Variants in NRG3 observed in about 807,000 individuals in gnomAD.
The protein encoded by NRG3 is neuregulin 3.
Under a neutral mutation model 66.9 loss-of-function variants are expected in NRG3, and 31 were observed. The observed-to-expected ratio is 0.46, with a 90% CI of 0.35 to 0.63. The LOEUF (loss-of-function observed/expected upper bound fraction) is 0.63, where lower values mean the gene tolerates loss of function less well. Among genes scored for constraint, NRG3 ranks in the 20% least tolerant of loss-of-function variants. NRG3 has a pLI of 0.00. For synonymous variants in NRG3, 393 were observed against 359.4 expected (o/e 1.09, Z -1.06); for missense variants, 910 against 878.9 (o/e 1.04, Z -0.45).
At chr10:82,018,551 T>G (rs988702190) in intron 1 of NRG3, among the ~76,000 whole-genome samples, 4 of 152,222 alleles carry the variant, frequency 2.6e-5, no homozygotes, top group Non-Finnish European at 5.9e-5. Context: ...ATGATATTGA[T>G]TCTTCCTATC....
intron 1 of NRG3, among the ~76,000 whole-genome samples, chr10:81,954,492 A>G (rs1849642333): frequency 6.6e-6 from 1 of 152,184 alleles, no homozygotes; most frequent in African/African-American, 2.4e-5. Flanking sequence ...CTCTATCAGA[A>G]CAAAGAAGAA....
At chr10:82,286,438 T>A (rs1254268852) in intron 1 of NRG3, among the ~76,000 whole-genome samples, 1 of 152,208 alleles carries the variant, frequency 6.6e-6, no homozygotes, top group African/African-American at 2.4e-5. Flanking sequence ...TATCATTGAA[T>A]GCAAAGGGCA....
At chr10:82,789,039 G>T (rs1476878207) in intron 3 of NRG3, among the ~76,000 whole-genome samples, 1 of 151,946 alleles carries the variant, frequency 6.6e-6, no homozygotes, top group Non-Finnish European at 1.5e-5. Flanking sequence ...TACTCAAAAG[G>T]AATAGAGTGC....
chr10:82,584,121 C>G (rs934502913), intron 2 of NRG3, among the ~76,000 whole-genome samples: 1 of 152,134 alleles, frequency 6.6e-6, no homozygotes, highest in Non-Finnish European at 1.5e-5. Context: ...GTGTCTTGCT[C>G]TGTTGCCCAG....
rs150347811 is a variant in NRG3, at chr10:82,975,337, A to G, written c.1412+1422A>G. On this transcript the variant is annotated intron_variant, in intron 7 of 8. Transcript: ENST00000372141. The stretch of plus-strand genomic sequence containing the variant: ...ATCATTCTAGTATTATATGAACTGT[A>G]TTCTGTCATAAATGTTTTAAAATTG... 1.8e-3 allele frequency among the ~76,000 whole-genome samples: 277 copies of G among 152,324 alleles called. 2 individuals carry two copies. Among genetic ancestry groups the G allele is most frequent in the Middle Eastern group, 0.017 (5 of 294 alleles).
intron 2 of NRG3, among the ~76,000 whole-genome samples, chr10:82,442,927 G>A (rs1015346568): frequency 6.7e-6 from 1 of 150,244 alleles, no homozygotes; most frequent in Admixed American, 6.7e-5. Context: ...ACGTGAAGTT[G>A]ATATAATTGG....
chr10:82,962,118 AC>A (rs1258372682), intron 6 of NRG3, among the ~76,000 whole-genome samples: 1 of 152,210 alleles, frequency 6.6e-6, no homozygotes, highest in Non-Finnish European at 1.5e-5. Flanking sequence ...TACTCTGGAA[AC>A]ACTTGACTCC....
intron 2 of NRG3, among the ~76,000 whole-genome samples, chr10:82,623,788 A>G (rs1198369904): frequency 1.3e-5 from 2 of 152,206 alleles, no homozygotes; most frequent in Non-Finnish European, 2.9e-5. Flanking sequence ...TATCTTTGAC[A>G]TGGGCAAAAA....
intron 3 of NRG3, among the ~76,000 whole-genome samples, chr10:82,830,520 G>C (rs946844162): frequency 6.6e-6 from 1 of 152,100 alleles, no homozygotes; most frequent in Non-Finnish European, 1.5e-5. Context: ...AAAATTCTGA[G>C]TTAAAACCTA....
At chr10:82,152,924 T>C (rs2070885248) in intron 1 of NRG3, among the ~76,000 whole-genome samples, 1 of 151,804 alleles carries the variant, frequency 6.6e-6, no homozygotes, top group African/African-American at 2.4e-5. Flanking sequence ...TTTTATTACT[T>C]AATTAACAAA....
At chr10:82,690,666 A>G (rs2054856851) in intron 2 of NRG3, among the ~76,000 whole-genome samples, 2 of 152,178 alleles carry the variant, frequency 1.3e-5, no homozygotes, top group South Asian at 2.1e-4. Context: ...TCCCCTTCAT[A>G]TGACTAAACC....
At chr10:82,453,743 G>A (rs915243137) in intron 2 of NRG3, among the ~76,000 whole-genome samples, 3 of 151,694 alleles carry the variant, frequency 2.0e-5, no homozygotes, top group Non-Finnish European at 4.4e-5. Context: ...ATAGATCTCG[G>A]TGAGTTATTT....
chr10:82,929,304 G>A (rs7078771), intron 4 of NRG3, among the ~76,000 whole-genome samples: 14,271 of 152,124 alleles, frequency 0.094, 896 homozygotes, highest in African/African-American at 0.17. Flanking sequence ...CTCCTAAAAT[G>A]AAGTTGTGCT....
chr10:82,939,429 TTTG>T (rs143997584), intron 4 of NRG3, among the ~76,000 whole-genome samples: 13,842 of 152,040 alleles, frequency 0.091, 846 homozygotes, highest in African/African-American at 0.16. Flanking sequence ...CAGTTTTTCC[TTTG>T]TTGTTGTTGT....
intron 1 of NRG3, among the ~76,000 whole-genome samples, chr10:82,293,917 A>G (rs2079890731): frequency 8.8e-6 from 1 of 113,758 alleles, no homozygotes; most frequent in African/African-American, 6.1e-5. Flanking sequence ...TAGCAAGCAT[A>G]TTTTTGCAAT....
intron 2 of NRG3, among the ~76,000 whole-genome samples, chr10:82,540,714 G>T (rs908688863): frequency 6.6e-6 from 1 of 152,162 alleles, no homozygotes; most frequent in Non-Finnish European, 1.5e-5. Context: ...TATAATGGAA[G>T]CCAGTTTTCT....
intron 1 of NRG3, among the ~76,000 whole-genome samples, chr10:81,881,895 T>C (rs1842215435): frequency 6.6e-6 from 1 of 152,172 alleles, no homozygotes. Context: ...AGATTCTTTA[T>C]AAATACAATA....
intron 1 of NRG3, among the ~76,000 whole-genome samples, chr10:82,102,133 C>CATAT (rs369498870): frequency 0.021 from 549 of 26,196 alleles, 16 homozygotes; most frequent in African/African-American, 0.053. Context: ...TATGTGTATT[C>CATAT]ATATATATAT....
At chr10:82,737,347 A>T (rs1052710502) in intron 2 of NRG3, among the ~76,000 whole-genome samples, 1 of 152,148 alleles carries the variant, frequency 6.6e-6, no homozygotes, top group Non-Finnish European at 1.5e-5. Flanking sequence ...AATTACCTAG[A>T]TGCATTTCAA....
Sources: gnomAD v4.1 joint callset for allele counts (sites outside exome capture counted in the v4.1 genomes callset) on GRCh38, gnomAD v4.1.1 for gene constraint, MANE v1.5 for transcripts, NCBI Gene and HGNC (gene_info 2026-07-23, HGNC 2026-07-21) for gene names.